The following TBC1D30 variants were observed in gnomAD, a reference collection of about 807,000 sequenced individuals.
TBC1D30 encodes TBC1 domain family member 30.
Under a neutral mutation model 63.2 loss-of-function variants are expected in TBC1D30, and 31 were observed. That is an observed-to-expected ratio of 0.49 (90% CI 0.37 to 0.66). The LOEUF (loss-of-function observed/expected upper bound fraction) is 0.66, where lower values mean the gene tolerates loss of function less well. Ranked by LOEUF, TBC1D30 falls within the 30% of genes least tolerant of loss-of-function variation. The probability of loss-of-function intolerance (pLI) is 0.00; values close to 1 mark genes in which losing one functional copy is unlikely to be tolerated. For missense variants in TBC1D30, 810 were observed against 953.6 expected, an observed-to-expected ratio of 0.85 and a Z score of 1.98; for synonymous variants, 307 against 361.5, an observed-to-expected ratio of 0.85 and a Z score of 1.71.
chr12:64,819,406 C>CTTTTTTT (rs55757950), intron 2 of TBC1D30, among the ~76,000 whole-genome samples: 1 of 77,992 alleles, frequency 1.3e-5, no homozygotes, highest in Non-Finnish European at 2.5e-5. Context: ...GAAGGAACTA[C>CTTTTTTT]TTTTTTTTTT....
chr12:64,779,228 C>T (rs1440301058), upstream of TBC1D30: 1 of 152,082 alleles, frequency 6.6e-6, no homozygotes, highest in Non-Finnish European at 1.5e-5. Context: ...GTGTTTACTC[C>T]TCTGAAAGTC....
rs1870439521 is a variant in TBC1D30, at chr12:64,759,999, A to C, written c.-376+350A>C. Among the ~76,000 whole-genome samples the C allele has an allele frequency of 2.6e-5, 4 of 152,334 alleles. No individual in the cohort carries two copies. The South Asian group carries it at 8.3e-4, about 32-fold the overall frequency. On this transcript the variant is annotated intron_variant, in intron 1 of 13. Transcript: ENST00000674237. ...GGAACTGGTTAGCTCTCTTAACTCC[A>C]AAGCCTAATTATGTTCTTCTTTCCT...
intron 2 of TBC1D30, among the ~76,000 whole-genome samples, chr12:64,801,031 C>G (rs1400132967): frequency 6.6e-6 from 1 of 152,120 alleles, no homozygotes; most frequent in Non-Finnish European, 1.5e-5. Flanking sequence ...CTGCTTCTGT[C>G]CCTCTCCGTT....
chr12:64,802,601 ACT>A (rs1872643737), intron 2 of TBC1D30, among the ~76,000 whole-genome samples: 1 of 151,642 alleles, frequency 6.6e-6, no homozygotes, highest in African/African-American at 2.4e-5. Flanking sequence ...GTACCCATTA[ACT>A]CTTCATTTAC....
intron 2 of TBC1D30, among the ~76,000 whole-genome samples, chr12:64,792,129 G>A (rs1871959994): frequency 3.9e-5 from 6 of 152,138 alleles, no homozygotes; most frequent in Admixed American, 3.9e-4. Flanking sequence ...ATTATAGAAT[G>A]TATCATAAAC....
chr12:64,826,887 T>C (rs1459447074), intron 1 of TBC1D30, among the ~76,000 whole-genome samples: 1 of 152,166 alleles, frequency 6.6e-6, no homozygotes, highest in Non-Finnish European at 1.5e-5. Context: ...TACATCTCTT[T>C]CCAGCTTCTT....
chr12:64,804,963 G>A (rs1222289574), intron 2 of TBC1D30, among the ~76,000 whole-genome samples: 2 of 152,190 alleles, frequency 1.3e-5, no homozygotes, highest in Non-Finnish European at 2.9e-5. Flanking sequence ...CACTTTGGGA[G>A]GCTGAGGCGG....
chr12:64,810,920 AT>A (rs1191094234), intron 2 of TBC1D30, among the ~76,000 whole-genome samples: 10 of 152,242 alleles, frequency 6.6e-5, no homozygotes, highest in Admixed American at 4.6e-4. Context: ...GCCTAATCCA[AT>A]TTTTCCCTCA....
At position 64,878,499 on chromosome 12, in the gene TBC1D30, A is replaced by T. The variant is rs768596163; in HGVS notation, c.*2711A>T. The stretch of plus-strand genomic sequence containing the variant: ...TTCCTCTTACAAAAGCCTCCAGATG[A>T]TCTAAATCTAGTTAGCAATGTCAGC... On this transcript the variant is annotated 3_prime_UTR_variant, in exon 12 of 12. Transcript: ENST00000539867. The T allele has an allele frequency of 1.3e-5, 6 of 456,592 alleles. No individual in the cohort carries two copies. The highest frequency in any genetic ancestry group is 3.2e-4 in the Middle Eastern group (1 of 3,098). 28.3% of individuals were successfully genotyped at this position (456,592 alleles called of 1,614,324 possible).
intron 1 of TBC1D30, among the ~76,000 whole-genome samples, chr12:64,825,850 A>G (rs534817654): frequency 4.6e-5 from 7 of 152,256 alleles, no homozygotes; most frequent in Admixed American, 1.3e-4. Context: ...CTGGAGTGGC[A>G]CCGGCTGCGT....
intron 2 of TBC1D30, among the ~76,000 whole-genome samples, chr12:64,787,572 G>C (rs973769780): frequency 6.6e-6 from 1 of 151,882 alleles, no homozygotes; most frequent in Admixed American, 6.6e-5. Flanking sequence ...AATTTTTGGG[G>C]TTTGATTAGT....
At chr12:64,808,140 G>A (rs950270397) in intron 2 of TBC1D30, among the ~76,000 whole-genome samples, 1 of 151,922 alleles carries the variant, frequency 6.6e-6, no homozygotes, top group African/African-American at 2.4e-5. Context: ...TTCCCACTCT[G>A]TGCTCCAAGC....
intron 7 of TBC1D30, among the ~76,000 whole-genome samples, chr12:64,842,175 T>C (rs1021893751): frequency 6.6e-6 from 1 of 152,086 alleles, no homozygotes; most frequent in Admixed American, 6.5e-5. Context: ...CTGGCCAACA[T>C]GGTGAAGCCC....
rs895508134 is a variant in TBC1D30, at chr12:64,781,109, G to GGGGGCCGC, written c.309_316dup (p.Glu106AlafsTer62). On this transcript the variant is annotated frameshift_variant, in exon 1 of 13. Transcript: ENST00000542120. LOFTEE classifies it high-confidence loss of function. ...CACAGAGGAGGAGGAGGCGGCGGGC[G>GGGGGCCGC]GGGGCCGCGGGGCCGAGGGCCGCCG... The GGGGGCCGC allele has an allele frequency of 7.0e-6, 7 of 1,004,088 alleles. No individual in the cohort carries two copies. The African/African-American group carries it at 1.2e-4, about 18-fold the overall frequency. 62.2% of individuals were successfully genotyped at this position (1,004,088 alleles called of 1,614,324 possible). A position where few individuals can be genotyped will look rare whatever the true frequency, so the allele number is the denominator to read the frequency against.
At chr12:64,824,391 G>A (rs1217548288), upstream of TBC1D30, among the ~76,000 whole-genome samples, 2 of 152,126 alleles carry the variant, frequency 1.3e-5, no homozygotes, top group Non-Finnish European at 2.9e-5. Flanking sequence ...TGAGACTGGC[G>A]CCCCTTGGTG....
intron 1 of TBC1D30, among the ~76,000 whole-genome samples, chr12:64,760,941 C>G (rs1190595051): frequency 6.6e-6 from 1 of 151,556 alleles, no homozygotes; most frequent in East Asian, 1.9e-4. Flanking sequence ...AGCATGAAAA[C>G]CCAATCATCA....
At chr12:64,845,191 C>A (rs1876254929) in intron 8 of TBC1D30, among the ~76,000 whole-genome samples, 1 of 152,052 alleles carries the variant, frequency 6.6e-6, no homozygotes, top group Admixed American at 6.6e-5. Flanking sequence ...TGAGGAACCT[C>A]CAACCTGTTT....
chr12:64,785,147 C>CTTTTTTTTTTTTTTTTTTTTTTTT (rs3033154), intron 1 of TBC1D30, among the ~76,000 whole-genome samples: 2 of 134,844 alleles, frequency 1.5e-5, no homozygotes, highest in Non-Finnish European at 1.6e-5. Flanking sequence ...ACTTTAAAGA[C>CTTTTTTTTTTTTTTTTTTTTTTTT]TTTTTTTTTT....
upstream of TBC1D30, chr12:64,779,361 A>T (rs1031885279): frequency 6.6e-6 from 1 of 152,230 alleles, no homozygotes; most frequent in African/African-American, 2.4e-5. Context: ...CTCTCATTTC[A>T]TACATTTAAA....
Sources: allele counts gnomAD v4.1 joint callset (sites outside exome capture counted in the v4.1 genomes callset), GRCh38; gene constraint gnomAD v4.1.1; transcripts MANE v1.5; gene names NCBI Gene and HGNC (gene_info 2026-07-23, HGNC 2026-07-21).